The following AKAP13 variants were observed in gnomAD, a reference collection of about 807,000 sequenced individuals.
The protein encoded by AKAP13 is A-kinase anchor protein 13.
A neutral mutation model predicts 264.5 loss-of-function variants in AKAP13; 80 were observed. The observed-to-expected ratio is 0.30, with a 90% confidence interval of 0.25 to 0.36. The LOEUF (loss-of-function observed/expected upper bound fraction) is 0.36, where lower values mean the gene tolerates loss of function less well. Among genes scored for constraint, AKAP13 ranks in the 10% least tolerant of loss-of-function variants. AKAP13 has a pLI of 1.00. For missense variants in AKAP13, 3,712 were observed against 3,435.2 expected, an observed-to-expected ratio of 1.08 and a Z score of -2.01; for synonymous variants, 1,380 against 1,250.2, an observed-to-expected ratio of 1.10 and a Z score of -2.19.
At chr15:85,709,286 T>TTAC (rs1297100443) in intron 18 of AKAP13, among the ~76,000 whole-genome samples, 2 of 152,294 alleles carry the variant, frequency 1.3e-5, no homozygotes, top group Non-Finnish European at 2.9e-5. Context: ...CCATCTTTAT[T>TTAC]TATTATTATA....
intron 8 of AKAP13, among the ~76,000 whole-genome samples, chr15:85,630,268 A>ACACACACACAAAC (rs1392263680): frequency 4.2e-5 from 1 of 23,872 alleles, no homozygotes; most frequent in Non-Finnish European, 1.1e-4. Context: ...CACACACACA[A>ACACACACACAAAC]ACACAATGAA....
chr15:85,399,672 G>A (rs1333138469), intron 1 of AKAP13, among the ~76,000 whole-genome samples: 1 of 151,856 alleles, frequency 6.6e-6, no homozygotes, highest in Non-Finnish European at 1.5e-5. Flanking sequence ...ACGAAGCATC[G>A]TTACTGTCCT....
At chr15:85,494,502 CCT>C (rs1425991623) in intron 2 of AKAP13, among the ~76,000 whole-genome samples, 3 of 152,198 alleles carry the variant, frequency 2.0e-5, no homozygotes. Flanking sequence ...CTTCCTCTGT[CCT>C]CTCATCATTT....
At chr15:85,612,059 A>T (rs759368474) in intron 8 of AKAP13, among the ~76,000 whole-genome samples, 40 of 152,350 alleles carry the variant, frequency 2.6e-4, no homozygotes, top group Non-Finnish European at 4.9e-4. Context: ...TTGCCTAATG[A>T]TTAAACTTTA....
chr15:85,438,697 G>A (rs2073458679), intron 1 of AKAP13, among the ~76,000 whole-genome samples: 1 of 151,070 alleles, frequency 6.6e-6, no homozygotes, highest in South Asian at 2.1e-4. Context: ...TGACAAACCT[G>A]AGAAAAACAA....
At chr15:85,631,496 T>TCACACACA (rs1179138065) in intron 8 of AKAP13, among the ~76,000 whole-genome samples, 8 of 64,704 alleles carry the variant, frequency 1.2e-4, no homozygotes, top group African/African-American at 4.2e-4. Context: ...TCTCTCTCTC[T>TCACACACA]CTCTCTCACA....
At chr15:85,726,016 A>G (rs1412430726) in intron 26 of AKAP13, 1 of 156,738 alleles carries the variant, frequency 6.4e-6, no homozygotes, top group Non-Finnish European at 1.4e-5. Flanking sequence ...GTCGAAAAAT[A>G]TTGCAATCTG....
chr15:85,470,434 A>G (rs17553790), intron 1 of AKAP13, among the ~76,000 whole-genome samples: 45,519 of 152,094 alleles, frequency 0.3, 9,002 homozygotes, highest in Non-Finnish European at 0.44. Context: ...TAATAAAGGT[A>G]ATTCACTTTC....
At chr15:85,700,631 T>C (rs1023358884) in intron 17 of AKAP13, among the ~76,000 whole-genome samples, 1 of 152,238 alleles carries the variant, frequency 6.6e-6, no homozygotes, top group Non-Finnish European at 1.5e-5. Flanking sequence ...GTCAGGTGTT[T>C]GGAAGCTCCA....
rs2082915400 is a variant in AKAP13, at chr15:85,652,756, G to A, written c.4375-2661G>A. The stretch of plus-strand genomic sequence containing the variant: ...AATGGCCTCTCTTCTAGTCTCTGGT[G>A]CTTGTTCAGTCCTTGGTGTTCCTTG... On this transcript the variant is annotated intron_variant, in intron 10 of 36. Coordinates refer to ENST00000394518, the MANE Select transcript of AKAP13 (RefSeq NM_007200.5). Among the ~76,000 whole-genome samples, 3 of 152,150 alleles carry A rather than the reference G, an allele frequency of 2.0e-5. No individual in the cohort carries two copies. In the South Asian group the frequency reaches 6.2e-4, roughly 31 times the overall value.
intron 1 of AKAP13, among the ~76,000 whole-genome samples, chr15:85,470,117 GTC>G (rs748833094): frequency 6.6e-6 from 1 of 152,116 alleles, no homozygotes. Context: ...GTGAAACCCT[GTC>G]TCTACAAAAA....
At chr15:85,601,648 G>GTGTGTGTGTGTGTGTT (rs1228684653) in intron 8 of AKAP13, among the ~76,000 whole-genome samples, 1 of 147,666 alleles carries the variant, frequency 6.8e-6, no homozygotes, top group Non-Finnish European at 1.5e-5. Flanking sequence ...GTGTGTGTGT[G>GTGTGTGTGTGTGTGTT]TTTTTCTTCC....
At chr15:85,636,602 T>A (rs149167750) in intron 8 of AKAP13, among the ~76,000 whole-genome samples, 2 of 142,296 alleles carry the variant, frequency 1.4e-5, no homozygotes, top group African/African-American at 5.3e-5. Context: ...TGAATAGATG[T>A]TGAATTTTGC....
chr15:85,691,525 C>T (rs1597076170), intron 16 of AKAP13, among the ~76,000 whole-genome samples: 1 of 152,210 alleles, frequency 6.6e-6, no homozygotes, highest in Admixed American at 6.5e-5. Context: ...AACAGCCTCT[C>T]TTAGATTGAG....
chr15:85,501,436 T>G (rs7169632), intron 2 of AKAP13, among the ~76,000 whole-genome samples: 77,221 of 152,028 alleles, frequency 0.51, 20,177 homozygotes, highest in Middle Eastern at 0.61. Context: ...GAAGTACCGA[T>G]ATTTCAGTTT....
At chr15:85,624,922 T>C (rs1260728826) in intron 8 of AKAP13, among the ~76,000 whole-genome samples, 1 of 152,238 alleles carries the variant, frequency 6.6e-6, no homozygotes, top group Admixed American at 6.5e-5. Flanking sequence ...CTGGCATTTC[T>C]TCTGAGGTAA....
intron 1 of AKAP13, among the ~76,000 whole-genome samples, chr15:85,400,873 TA>T (rs1338252643): frequency 0.011 from 436 of 38,252 alleles, 3 homozygotes; most frequent in East Asian, 0.041. Context: ...TATATATATA[TA>T]TTTTTTTTTT....
intron 8 of AKAP13, among the ~76,000 whole-genome samples, chr15:85,632,756 G>A (rs183535171): frequency 1.8e-4 from 27 of 152,314 alleles, no homozygotes; most frequent in Admixed American, 1.7e-3. Flanking sequence ...GACAGGAAAA[G>A]TATAGAGAGT....
chr15:85,617,799 G>C (rs374433965), intron 8 of AKAP13, among the ~76,000 whole-genome samples: 135 of 152,242 alleles, frequency 8.9e-4, no homozygotes, highest in African/African-American at 3.1e-3. Context: ...AAGCCTAAAG[G>C]CTCTTTCTGT....
Sources: allele counts gnomAD v4.1 joint callset (sites outside exome capture counted in the v4.1 genomes callset), GRCh38; gene constraint gnomAD v4.1.1; transcripts MANE v1.5; gene names NCBI Gene and HGNC (gene_info 2026-07-23, HGNC 2026-07-21).